Variants in MICAL2 observed in about 807,000 individuals in gnomAD.
The protein encoded by MICAL2 is [F-actin]-monooxygenase MICAL2.
Under a neutral mutation model 127.3 loss-of-function variants are expected in MICAL2, and 77 were observed. The observed-to-expected ratio is 0.60, with a 90% confidence interval of 0.50 to 0.73. The LOEUF (loss-of-function observed/expected upper bound fraction) is 0.73, where lower values mean the gene tolerates loss of function less well. Ranked by LOEUF, MICAL2 falls within the 30% of genes least tolerant of loss-of-function variation. The pLI, the probability that MICAL2 is intolerant of heterozygous loss-of-function variation, is 0.00. For synonymous variants in MICAL2, 570 were observed against 551.1 expected (o/e 1.03, Z -0.48); for missense variants, 1,351 against 1,434.4 (o/e 0.94, Z 0.94).
At chr11:12,180,335 G>GTATATATATATATATATATATATATA (rs1554968135) in intron 3 of MICAL2, among the ~76,000 whole-genome samples, 3 of 126,388 alleles carry the variant, frequency 2.4e-5, no homozygotes, top group Non-Finnish European at 1.6e-5. Flanking sequence ...TTATATACAT[G>GTATATATATATATATATATATATATA]TATATATGTA....
intron 21 of MICAL2, among the ~76,000 whole-genome samples, chr11:12,245,301 G>A (rs922040286): frequency 2.6e-5 from 4 of 152,226 alleles, no homozygotes; most frequent in Non-Finnish European, 4.4e-5. Context: ...CATGCTGCAC[G>A]TGCCGCTGCC....
chr11:12,176,045 A>G (rs771303002), intron 3 of MICAL2, among the ~76,000 whole-genome samples: 28 of 152,166 alleles, frequency 1.8e-4, no homozygotes, highest in Non-Finnish European at 3.8e-4. Context: ...AAAAACGTAA[A>G]GGAAGACTAG....
chr11:12,114,748 C>A (rs1849866138), intron 1 of MICAL2, among the ~76,000 whole-genome samples: 1 of 152,204 alleles, frequency 6.6e-6, no homozygotes, highest in Non-Finnish European at 1.5e-5. Flanking sequence ...AAAAAAATGA[C>A]TTGCTTACGT....
In MICAL2 at chr11:12,217,796, G is replaced by A. The variant is rs74393454; in HGVS notation, c.948+1477G>A. Among the ~76,000 whole-genome samples, 19 of 152,206 alleles carry A rather than the reference G, an allele frequency of 1.2e-4. No individual in the cohort carries two copies. In the East Asian group the frequency reaches 3.5e-3, roughly 28 times the overall value. ...CACCAAGGCCTTTCTTTCTCCTTCA[G>A]AGGCCCCTGGGAGCAGCTCCTGAGC... is the stretch of plus-strand genomic sequence containing the variant. On this transcript the variant is annotated intron_variant, in intron 8 of 27. Transcript: ENST00000683283.
chr11:12,185,502 C>T (rs1384383822), intron 3 of MICAL2, among the ~76,000 whole-genome samples: 1 of 152,100 alleles, frequency 6.6e-6, no homozygotes, highest in Non-Finnish European at 1.5e-5. Context: ...CTACCCATCT[C>T]AAAGCCGTCA....
At chr11:12,145,351 G>A (rs1285818241) in intron 2 of MICAL2, among the ~76,000 whole-genome samples, 1 of 152,214 alleles carries the variant, frequency 6.6e-6, no homozygotes, top group Non-Finnish European at 1.5e-5. Flanking sequence ...CTAGGCCGGG[G>A]CCTGGAAAGA....
At chr11:12,293,355 C>A (rs532830857), downstream of MICAL2, among the ~76,000 whole-genome samples, 1 of 152,100 alleles carries the variant, frequency 6.6e-6, no homozygotes, top group Non-Finnish European at 1.5e-5. Context: ...TCGGGGGTTC[C>A]AGGCAGATCC....
In MICAL2 at chr11:12,144,804, A is replaced by G. The variant is rs118113353; in HGVS notation, c.-78+6344A>G. ...TCCAGTTAGTTCAGCAACTGAGTAT[A>G]CATTAGAGACTGGTTCTACCCTGTC... On this transcript the variant is annotated intron_variant, in intron 2 of 27. Transcript: ENST00000683283. 3.3e-4 allele frequency among the ~76,000 whole-genome samples: 50 copies of G among 152,312 alleles called. No individual in the cohort carries two copies. In the East Asian group the frequency reaches 7.7e-3, roughly 24 times the overall value.
At chr11:12,270,414 C>T (rs1863662179) in intron 24 of MICAL2, among the ~76,000 whole-genome samples, 2 of 152,202 alleles carry the variant, frequency 1.3e-5, no homozygotes, top group Non-Finnish European at 2.9e-5. Flanking sequence ...AGGGCAGGAT[C>T]CAAGGGGAAG....
In MICAL2 at chr11:12,160,831, G is replaced by A. The variant is rs574217025; in HGVS notation, c.-77-1248G>A. 1.1e-4 allele frequency among the ~76,000 whole-genome samples: 17 copies of A among 152,320 alleles called. No individual in the cohort carries two copies. In the Middle Eastern group the frequency reaches 0.01, roughly 91 times the overall value. ...ATTCCCGGCCCCTTGAGTGGTGCCC[G>A]ACTCTTGCTAATGCACCAGTAATTG... On this transcript the variant is annotated intron_variant, in intron 2 of 27. Coordinates refer to ENST00000683283, the MANE Select transcript of MICAL2 (RefSeq NM_001282663.2).
chr11:12,243,028 A>G (rs371570638), intron 20 of MICAL2: 45 of 337,586 alleles, frequency 1.3e-4, no homozygotes, highest in African/African-American at 9.7e-4. Context: ...GAAAGGCATT[A>G]CTATAAGAAG....
chr11:12,332,187 A>G (rs1938650852), intron 32 of MICAL2, among the ~76,000 whole-genome samples: 1 of 152,230 alleles, frequency 6.6e-6, no homozygotes, highest in Admixed American at 6.5e-5. Context: ...GTTTTAGGAA[A>G]TAGATATTCT....
At chr11:12,218,355 C>A (rs974010291) in intron 8 of MICAL2, among the ~76,000 whole-genome samples, 2 of 152,172 alleles carry the variant, frequency 1.3e-5, no homozygotes, top group African/African-American at 2.4e-5. Context: ...TTTGCTCCTT[C>A]TTCCATCCCC....
At chr11:12,226,106 G>T in intron 13 of MICAL2, 65 bp from the exon 14 acceptor site, 1 of 1,517,948 alleles carries the variant, frequency 6.6e-7, no homozygotes, top group South Asian at 1.1e-5. Context: ...CCACCTGAAG[G>T]TGCTCAGCTC....
At chr11:12,346,562 C>T (rs1299790090) in intron 32 of MICAL2, among the ~76,000 whole-genome samples, 1 of 152,220 alleles carries the variant, frequency 6.6e-6, no homozygotes, top group Non-Finnish European at 1.5e-5. Flanking sequence ...TTCTTCCCCT[C>T]CTCTCCCTGG....
chr11:12,319,682 T>TG, intron 29 of MICAL2: 3 of 1,582,882 alleles, frequency 1.9e-6, no homozygotes, highest in Non-Finnish European at 2.6e-6. Context: ...TGAGTTTTTC[T>TG]GTTCCCATTT....
Position 12,110,854 on chromosome 11 carries a change from C to G in MICAL2, c.-149+128C>G, listed in dbSNP as rs1849543907. The G allele has an allele frequency of 6.6e-6, 1 of 152,216 alleles. No homozygotes were observed. Among genetic ancestry groups the G allele is most frequent in the African/African-American group, 2.4e-5 (1 of 41,430 alleles). The allele number at this position is 152,216 out of a possible 1,614,324, so 9.4% of individuals were successfully genotyped here. A position where few individuals can be genotyped will look rare whatever the true frequency, so the allele number is the denominator to read the frequency against. ...GAGGGTCAGGTGCGGCCGCAGCATC[C>G]CCCGCCTCAAACCCACCCGGCGGGG... On this transcript the variant is annotated intron_variant, in intron 1 of 27. Transcript: ENST00000683283. This position sits in a 1 kb window ranked among gnomAD's most constrained non-coding sequence, Gnocchi z 4.5.
chr11:12,188,724 A>G (rs1858660025), intron 3 of MICAL2, among the ~76,000 whole-genome samples: 1 of 152,176 alleles, frequency 6.6e-6, no homozygotes, highest in Non-Finnish European at 1.5e-5. Flanking sequence ...TGGGCAGGTT[A>G]TGTAACATTT....
At position 12,206,752 on chromosome 11, in the gene MICAL2, C is replaced by T. The variant is rs528322416; in HGVS notation, c.473-1271C>T. On this transcript the variant is annotated intron_variant, in intron 4 of 27. Coordinates refer to ENST00000683283, the MANE Select transcript of MICAL2 (RefSeq NM_001282663.2). ...CCCTCCTGTGTTCCTGTTCTAGGCCCGCTTTTCTCCCCTGCTGCCCCAGCA... is the reference window on the plus strand; with the variant it reads ...CCCTCCTGTGTTCCTGTTCTAGGCCTGCTTTTCTCCCCTGCTGCCCCAGCA... Among the ~76,000 whole-genome samples the T allele has an allele frequency of 5.3e-5, 8 of 152,280 alleles. No homozygotes were observed. In the East Asian group the frequency reaches 1.5e-3, roughly 29 times the overall value.
Sources: allele counts gnomAD v4.1 joint callset (sites outside exome capture counted in the v4.1 genomes callset), GRCh38; gene constraint gnomAD v4.1.1; non-coding constraint Gnocchi (gnomAD v3.1); transcripts MANE v1.5; gene names NCBI Gene and HGNC (gene_info 2026-07-23, HGNC 2026-07-21).